Variants in CDC34 observed in about 807,000 individuals in gnomAD.
The protein encoded by CDC34 is ubiquitin-conjugating enzyme E2 R1.
Under a neutral mutation model 26.8 loss-of-function variants are expected in CDC34, and 18 were observed. The observed-to-expected ratio is 0.67, with a 90% confidence interval of 0.47 to 1.00. The LOEUF is 1.00. Among genes scored for constraint, CDC34 ranks in the 50% least tolerant of loss-of-function variants. The pLI, the probability that CDC34 is intolerant of heterozygous loss-of-function variation, is 0.00. For synonymous variants in CDC34, 178 were observed against 147.5 expected, an observed-to-expected ratio of 1.21 and a Z score of -1.50; for missense variants, 280 against 334.5, an observed-to-expected ratio of 0.84 and a Z score of 1.27.
In CDC34 at chr19:532,074, C is replaced by T; in HGVS notation, c.143C>T (p.Pro48Leu). Residue 48 changes from proline to leucine, a missense_variant, in exon 1 of 5, where the codon CCC becomes CTC. Coordinates refer to ENST00000215574, the MANE Select transcript of CDC34 (RefSeq NM_004359.2). ...AACTGGGAGGTGGCCATCTTCGGGCCCCCCAACACCTACTACGAGGGCGGC... is the reference window on the plus strand; with the variant it reads ...AACTGGGAGGTGGCCATCTTCGGGCTCCCCAACACCTACTACGAGGGCGGC... Reference protein sequence around the residue: ...LYNWEVAIFGPPNTYYEGGYF... With the variant: ...LYNWEVAIFGLPNTYYEGGYF... The T allele has an allele frequency of 1.3e-6, 2 of 1,521,280 alleles. No individual in the cohort carries two copies. Among genetic ancestry groups the T allele is most frequent in the East Asian group, 2.7e-5 (1 of 36,398 alleles). The allele number at this position is 1,521,280 out of a possible 1,614,324, so 94.2% of individuals were successfully genotyped here.
intron 4 of CDC34, chr19:541,129 A>T (rs1395519890): frequency 1.7e-6 from 1 of 601,232 alleles, no homozygotes; most frequent in African/African-American, 1.9e-5. Flanking sequence ...CCAGCCTCCC[A>T]CCCGCACCTC....
Position 541,042 on chromosome 19 carries a change from T to G in CDC34, c.498-297T>G, listed in dbSNP as rs546187952. Among the ~76,000 whole-genome samples, 9 of 152,306 alleles carry G rather than the reference T, an allele frequency of 5.9e-5. No individual in the cohort carries two copies. In the South Asian group the frequency reaches 1.5e-3, roughly 25 times the overall value. ...GCCCTCCCTGTTGCCGGCATCGTTA[T>G]TTTCTCCCAGCTCCTGATGGGTCCC... On this transcript the variant is annotated intron_variant, in intron 4 of 4. Coordinates refer to ENST00000215574, the MANE Select transcript of CDC34 (RefSeq NM_004359.2).
Position 537,148 on chromosome 19 carries a change from G to C in CDC34, c.497+1G>C. 6.2e-7 allele frequency: 1 copy of C among 1,612,946 alleles called. No individual in the cohort carries two copies. Among genetic ancestry groups the C allele is most frequent in the Non-Finnish European group, 8.5e-7 (1 of 1,179,874 alleles). On this transcript the variant is annotated splice_donor_variant, in intron 4 of 4. Coordinates refer to ENST00000215574, the MANE Select transcript of CDC34 (RefSeq NM_004359.2). LOFTEE classifies it high-confidence loss of function. ...ATCGGGAGTACACAGACATCATCCG[G>C]TGAGGGCGGGCGGGGGCGTCACGGG...
chr19:534,400 C>T (rs1216470492), intron 1 of CDC34, among the ~76,000 whole-genome samples: 2 of 149,898 alleles, frequency 1.3e-5, no homozygotes, highest in Non-Finnish European at 3.0e-5. Context: ...GCCTCGCCCA[C>T]AATCCAAGAC....
chr19:537,686 T>C (rs576836011), intron 4 of CDC34, among the ~76,000 whole-genome samples: 38 of 101,092 alleles, frequency 3.8e-4, no homozygotes, highest in Non-Finnish European at 6.7e-4. Context: ...GACAGAGTTA[T>C]ACTCTCTTGC....
Position 538,802 on chromosome 19 carries a change from C to T in CDC34, c.497+1655C>T, listed in dbSNP as rs565236947. 2.2e-5 allele frequency: 22 copies of T among 985,300 alleles called. No individual in the cohort carries two copies. In the East Asian group the frequency reaches 1.6e-3, roughly 71 times the overall value. The allele number at this position is 985,300 out of a possible 1,614,324, so 61.0% of individuals were successfully genotyped here. ...TCTGAGCAGCCATGGTGGGCGGGCCCCGTGCGGCCTCCTGGGAAGTGGCCT... is the reference window on the plus strand; with the variant it reads ...TCTGAGCAGCCATGGTGGGCGGGCCTCGTGCGGCCTCCTGGGAAGTGGCCT... On this transcript the variant is annotated intron_variant, in intron 4 of 4. Transcript: ENST00000215574.
In CDC34 at chr19:535,869, C is replaced by T; in HGVS notation, c.210C>T (p.Tyr70=). The stretch of plus-strand genomic sequence containing the variant: ...TCAAGTTCCCCATCGACTACCCATA[C>T]TCTCCACCAGCCTTTCGGTTCCTGA... ...ARLKFPIDYP[Y]SPPAFRFLTK... is the part of the protein sequence containing the mutation. Residue 70 remains tyrosine (Y), a synonymous_variant, in exon 2 of 5, where the codon TAC becomes TAT. Coordinates refer to ENST00000215574, the MANE Select transcript of CDC34 (RefSeq NM_004359.2). The T allele has an allele frequency of 5.6e-6, 9 of 1,613,974 alleles. No homozygotes were observed. The highest frequency in any genetic ancestry group is 6.8e-6 in the Non-Finnish European group (8 of 1,179,992).
At position 537,088 on chromosome 19, in the gene CDC34, G is replaced by A. The variant is rs1472066675; in HGVS notation, c.438G>A (p.Val146=). ...TFSPANVDAS[V]MYRKWKESKG... ...CGCCCGCAAACGTGGACGCCTCCGT[G>A]ATGTACAGGAAGTGGAAAGAGAGCA... is the stretch of plus-strand genomic sequence containing the variant. The change falls in exon 4 of 5, where the codon GTG becomes GTA. Residue 146 remains valine (V), a synonymous_variant. Transcript: ENST00000215574. The A allele has an allele frequency of 8.7e-6, 14 of 1,613,838 alleles. No individual in the cohort carries two copies. The highest frequency in any genetic ancestry group is 8.3e-5 in the Admixed American group (5 of 60,020).
intron 4 of CDC34, 53 bp from the exon 5 acceptor site, chr19:541,286 A>G: frequency 6.8e-7 from 1 of 1,472,596 alleles, no homozygotes; most frequent in Non-Finnish European, 9.0e-7. Context: ...GGGGCCGGGC[A>G]GGGGCCGAGT....
intron 2 of CDC34, 67 bp from the exon 3 acceptor site, chr19:536,175 CG>C: frequency 7.7e-7 from 1 of 1,306,102 alleles, no homozygotes; most frequent in South Asian, 1.3e-5. Flanking sequence ...CCTCATCCTC[CG>C]GGACCTGGGG....
chr19:538,489 C>T (rs1257309663), intron 4 of CDC34, among the ~76,000 whole-genome samples: 2 of 151,728 alleles, frequency 1.3e-5, no homozygotes, highest in Non-Finnish European at 2.9e-5. Flanking sequence ...GGTTGACGGC[C>T]TTAATGGTTC....
intron 1 of CDC34, among the ~76,000 whole-genome samples, chr19:534,458 CT>C (rs34534471): frequency 0.13 from 10,136 of 76,098 alleles, 147 homozygotes; most frequent in East Asian, 0.2. Flanking sequence ...CCAAGACCCC[CT>C]GAGTGCCCTC....
Position 532,071 on chromosome 19 carries a change from G to T in CDC34, c.140G>T (p.Gly47Val). 6.6e-7 allele frequency: 1 copy of T among 1,521,978 alleles called. No individual in the cohort carries two copies. Among genetic ancestry groups the T allele is most frequent in the South Asian group, 1.3e-5 (1 of 77,614 alleles). The allele number at this position is 1,521,978 out of a possible 1,614,324, so 94.3% of individuals were successfully genotyped here. The change falls in exon 1 of 5, where the codon GGG becomes GTG. Residue 47 changes from glycine (G) to valine (V), a missense_variant. Gly to Val is a moderately radical substitution (Grantham distance 109, BLOSUM62 -3). Transcript: ENST00000215574. ...DLYNWEVAIF[G>V]PPNTYYEGGY... ...TACAACTGGGAGGTGGCCATCTTCG[G>T]GCCCCCCAACACCTACTACGAGGGC...
At position 536,976 on chromosome 19, in the gene CDC34, C is replaced by T. The variant is rs777503978; in HGVS notation, c.363-37C>T. On this transcript the variant is annotated intron_variant, in intron 3 of 4. Coordinates refer to ENST00000215574, the MANE Select transcript of CDC34 (RefSeq NM_004359.2). ...AGAGAAGAGCCGGAAGGCTGGGGTGCCCCGGGCCGCCCCACTCCGACCCAC... is the reference window on the plus strand; with the variant it reads ...AGAGAAGAGCCGGAAGGCTGGGGTGTCCCGGGCCGCCCCACTCCGACCCAC... 64 of 1,611,900 alleles carry T rather than the reference C, an allele frequency of 4.0e-5. No homozygotes were observed. In the Admixed American group the frequency reaches 1.0e-3, roughly 25 times the overall value.
At chr19:539,908 C>T (rs550809348) in intron 4 of CDC34, among the ~76,000 whole-genome samples, 2 of 152,280 alleles carry the variant, frequency 1.3e-5, no homozygotes, top group Admixed American at 6.5e-5. Context: ...TACACGGTGC[C>T]CTCCAGGAAG....
At position 541,459 on chromosome 19, in the gene CDC34, C is replaced by T. The variant is rs542019154; in HGVS notation, c.618C>T (p.Phe206=). 2.5e-6 allele frequency: 4 copies of T among 1,612,726 alleles called. No homozygotes were observed. The South Asian group carries it at 3.3e-5, about 13-fold the overall frequency. Residue 206 remains phenylalanine (F), a synonymous_variant, in exon 5 of 5, where the codon TTC becomes TTT. Transcript: ENST00000215574. ...CGCCCGACGAGGGCTCAGACCTCTT[C>T]TACGACGACTACTACGAGGACGGCG... ...APAPDEGSDL[F]YDDYYEDGEV...
intron 1 of CDC34, among the ~76,000 whole-genome samples, chr19:534,458 C>CGAG (rs1979639425): frequency 3.8e-5 from 3 of 79,938 alleles, no homozygotes; most frequent in South Asian, 4.4e-4. Context: ...CCAAGACCCC[C>CGAG]TGAGTGCCCT....
chr19:539,059 G>A (rs557022232), intron 4 of CDC34: 4 of 957,766 alleles, frequency 4.2e-6, no homozygotes, highest in Admixed American at 1.2e-4. Flanking sequence ...CAACACACAT[G>A]TGCCATGTGG....
chr19:532,763 C>T (rs1009174534), intron 1 of CDC34, among the ~76,000 whole-genome samples: 2 of 152,222 alleles, frequency 1.3e-5, no homozygotes, highest in Non-Finnish European at 2.9e-5. Flanking sequence ...GGGCTCCATC[C>T]CCTGCTTTAT....
Sources: allele counts gnomAD v4.1 joint callset (sites outside exome capture counted in the v4.1 genomes callset), GRCh38; gene constraint gnomAD v4.1.1; transcripts MANE v1.5; gene names NCBI Gene and HGNC (gene_info 2026-07-23, HGNC 2026-07-21).